KCNV1: variants seen among roughly 807,000 people sequenced by gnomAD.
The protein encoded by KCNV1 is potassium voltage-gated channel subfamily V member 1.
In KCNV1, 2 loss-of-function variants were observed where a neutral mutation model predicts 36.4. The ratio of observed to expected loss-of-function variants is 0.05; its 90% CI spans 0.02 to 0.17. KCNV1 has a LOEUF of 0.17. KCNV1 is among the 10% of genes least tolerant of loss of function. KCNV1 has a pLI of 1.00. For missense variants in KCNV1, 321 were observed against 643.6 expected, an observed-to-expected ratio of 0.50 and a Z score of 5.42; for synonymous variants, 280 against 261.1, an observed-to-expected ratio of 1.07 and a Z score of -0.70.
chr8:109,968,706 A>G lies in KCNV1; in HGVS notation c.992-107T>C. ...CTGCCACCCACAAACTGCACTGCAC[A>G]CTTAAATGTCCCCAGCACTGGGCAA... On this transcript the variant is annotated intron_variant, in intron 3 of 3. Transcript: ENST00000524391. This position sits in a 1 kb window ranked among gnomAD's most constrained non-coding sequence, Gnocchi z 5.3. 3 of 1,090,214 alleles carry G rather than the reference A, an allele frequency of 2.8e-6. No individual in the cohort carries two copies. The highest frequency in any genetic ancestry group is 3.9e-6 in the Non-Finnish European group (3 of 766,282). The allele number at this position is 1,090,214 out of a possible 1,614,324, so 67.5% of individuals were successfully genotyped here. A position where few individuals can be genotyped will look rare whatever the true frequency, so the allele number is the denominator to read the frequency against.
rs983442338 is a variant in KCNV1, at chr8:109,968,180, C to T, written c.1411G>A (p.Val471Ile). The T allele has an allele frequency of 4.3e-6, 7 of 1,614,182 alleles. No individual in the cohort carries two copies. Among genetic ancestry groups the T allele is most frequent in the Non-Finnish European group, 5.1e-6 (6 of 1,180,030 alleles). The change falls in exon 4 of 4, where the codon GTC becomes ATC. Residue 471 changes from valine to isoleucine, a missense_variant. Physicochemically the swap from Val to Ile is conservative, Grantham distance 29. Around this residue, in one of 5 missense-constraint regions of KCNV1, gnomAD observed 45 missense variants for 76.8 expected, o/e 0.59. Coordinates refer to ENST00000524391, the MANE Select transcript of KCNV1 (RefSeq NM_014379.4). The surrounding 1 kb of genome is among the most constrained non-coding windows in gnomAD (Gnocchi z 5.3). ...DSYISVNLRDVYARSIMEMLR... is the reference protein window; with the variant it reads ...DSYISVNLRDIYARSIMEMLR... ...ATCTCCATGATACTCCGGGCATAGA[C>T]ATCTCTCAAGTTAACACTGATATAT...
chr8:109,969,160 C>T (rs1380740476), intron 3 of KCNV1, among the ~76,000 whole-genome samples: 1 of 152,126 alleles, frequency 6.6e-6, no homozygotes, highest in Non-Finnish European at 1.5e-5. Flanking sequence ...ACCATAGCAA[C>T]AAAGTGAAGC....
chr8:109,970,459 A>AT (rs1819996448), intron 3 of KCNV1, among the ~76,000 whole-genome samples: 1 of 152,190 alleles, frequency 6.6e-6, no homozygotes, highest in African/African-American at 2.4e-5. Context: ...GGACATGGTA[A>AT]TTGTTATGCC....
In KCNV1 at chr8:109,972,014, T is replaced by C. The variant is rs1233507348; in HGVS notation, c.991+244A>G. The stretch of plus-strand genomic sequence containing the variant: ...TTTCAAATAAACTGAGGTTAGCAAA[T>C]GGTCAAATTGTCTCTCAACATTTCT... On this transcript the variant is annotated intron_variant, in intron 3 of 3. Transcript: ENST00000524391. The surrounding 1 kb of genome is among the most constrained non-coding windows in gnomAD (Gnocchi z 5.2). Among the ~76,000 whole-genome samples, 2 of 152,176 alleles carry C rather than the reference T, an allele frequency of 1.3e-5. No homozygotes were observed. Among genetic ancestry groups the C allele is most frequent in the Non-Finnish European group, 2.9e-5 (2 of 68,032 alleles).
rs1278059949 is a variant in KCNV1 at position 109,965,318 on chromosome 8, CAAT to C, written c.*2767_*2769del. ...TAAAAAATTAAATATTGTTTTATAA[CAAT>C]AATTCTTAGATGTTTAAAAAGTGTT... On this transcript the variant is annotated 3_prime_UTR_variant, in exon 4 of 4. Transcript: ENST00000524391. 1 of 152,054 alleles carries C rather than the reference CAAT, an allele frequency of 6.6e-6. No homozygotes were observed. The highest frequency in any genetic ancestry group is 1.5e-5 in the Non-Finnish European group (1 of 67,996). The allele number at this position is 152,054 out of a possible 1,614,324, so 9.4% of individuals were successfully genotyped here.
rs1014906248 is a variant in KCNV1 at position 109,967,804 on chromosome 8, G to T, written c.*284C>A. On this transcript the variant is annotated 3_prime_UTR_variant, in exon 4 of 4. Transcript: ENST00000524391. ...AATCTTTAACTTTTTTGTATGTATT[G>T]CAATAACATTATTTTATATTTGACA... 20 of 276,710 alleles carry T rather than the reference G, an allele frequency of 7.2e-5. No homozygotes were observed. Among genetic ancestry groups the T allele is most frequent in the Non-Finnish European group, 1.2e-4 (18 of 146,574 alleles). The allele number at this position is 276,710 out of a possible 1,614,324, so 17.1% of individuals were successfully genotyped here.
rs1226873441 is a variant in KCNV1, at chr8:109,964,403, G to A, written c.*3685C>T. 1 of 152,008 alleles carries A rather than the reference G, an allele frequency of 6.6e-6. No individual in the cohort carries two copies. The highest frequency in any genetic ancestry group is 6.6e-5 in the Admixed American group (1 of 15,256). 9.4% of individuals were successfully genotyped at this position (152,008 alleles called of 1,614,324 possible). On this transcript the variant is annotated 3_prime_UTR_variant, in exon 4 of 4. Coordinates refer to ENST00000524391, the MANE Select transcript of KCNV1 (RefSeq NM_014379.4). ...TGGAACGCATATACACTGATACTGG[G>A]AGTGTAAATTAGTTCAGCCATGTGA... is the stretch of plus-strand genomic sequence containing the variant.
chr8:109,968,172 G>A lies in KCNV1; in HGVS notation c.1419C>T (p.Ala473=). 1 of 1,614,070 alleles carries A rather than the reference G, an allele frequency of 6.2e-7. No homozygotes were observed. Among genetic ancestry groups the A allele is most frequent in the Non-Finnish European group, 8.5e-7 (1 of 1,179,994 alleles). The change falls in exon 4 of 4, where the codon GCC becomes GCT. Residue 473 remains alanine (A), a synonymous_variant. Coordinates refer to ENST00000524391, the MANE Select transcript of KCNV1 (RefSeq NM_014379.4). The surrounding 1 kb of genome is among the most constrained non-coding windows in gnomAD (Gnocchi z 5.3). ...YISVNLRDVY[A]RSIMEMLRLK... is the part of the protein sequence containing the mutation. ...GTCGCAGCATCTCCATGATACTCCG[G>A]GCATAGACATCTCTCAAGTTAACAC...
rs1352918666 is a variant in KCNV1 at position 109,964,168 on chromosome 8, A to G, written c.*3920T>C. ...CAAATTTACAAGAAAAAAAAATCCC[A>G]TTAAAAAGTGGGCAAAGGATATGAA... is the stretch of plus-strand genomic sequence containing the variant. On this transcript the variant is annotated 3_prime_UTR_variant, in exon 4 of 4. Coordinates refer to ENST00000524391, the MANE Select transcript of KCNV1 (RefSeq NM_014379.4). The G allele has an allele frequency of 6.6e-6, 1 of 152,172 alleles. No individual in the cohort carries two copies. 9.4% of individuals were successfully genotyped at this position (152,172 alleles called of 1,614,324 possible).
chr8:109,973,875 C>G, intron 2 of KCNV1, 53 bp downstream of exon 2: 1 of 1,355,394 alleles, frequency 7.4e-7, no homozygotes, highest in Non-Finnish European at 9.9e-7. Flanking sequence ...GCCTTCCTCT[C>G]TTTCTCTGCC....
At position 109,974,673 on chromosome 8, in the gene KCNV1, C is replaced by T. The variant is rs1820059273; in HGVS notation, c.-285G>A. The T allele has an allele frequency of 2.0e-6, 1 of 498,040 alleles. No individual in the cohort carries two copies. Among genetic ancestry groups the T allele is most frequent in the South Asian group, 2.7e-5 (1 of 37,582 alleles). 30.9% of individuals were successfully genotyped at this position (498,040 alleles called of 1,614,324 possible). ...AGAGAGGATCAGGTGAGGTCCAAGC[C>T]CGACACAGTCCCTGTGCACACTGCC... On this transcript the variant is annotated 5_prime_UTR_variant, in exon 2 of 4. Transcript: ENST00000524391. The surrounding 1 kb of genome is among the most constrained non-coding windows in gnomAD (Gnocchi z 6.2).
rs569070522 is a variant in KCNV1, at chr8:109,964,232, A to G, written c.*3856T>C. ...AAAGAAAACATACATGCAGCCAACA[A>G]TGATATGAAAAAAAGCCTCAATATC... On this transcript the variant is annotated 3_prime_UTR_variant, in exon 4 of 4. Transcript: ENST00000524391. 1.3e-5 allele frequency: 2 copies of G among 152,184 alleles called. No individual in the cohort carries two copies. Among genetic ancestry groups the G allele is most frequent in the Non-Finnish European group, 2.9e-5 (2 of 68,028 alleles). The allele number at this position is 152,184 out of a possible 1,614,324, so 9.4% of individuals were successfully genotyped here.
At chr8:109,969,381 A>C (rs1819982444) in intron 3 of KCNV1, among the ~76,000 whole-genome samples, 1 of 152,216 alleles carries the variant, frequency 6.6e-6, no homozygotes, top group Non-Finnish European at 1.5e-5. Flanking sequence ...CTGAATACAG[A>C]ATATTCCTCC....
At position 109,966,861 on chromosome 8, in the gene KCNV1, A is replaced by G. The variant is rs528382815; in HGVS notation, c.*1227T>C. 2 of 151,740 alleles carry G rather than the reference A, an allele frequency of 1.3e-5. No individual in the cohort carries two copies. Among genetic ancestry groups the G allele is most frequent in the South Asian group, 4.2e-4 (2 of 4,806 alleles). 9.4% of individuals were successfully genotyped at this position (151,740 alleles called of 1,614,324 possible). A position where few individuals can be genotyped will look rare whatever the true frequency, so the allele number is the denominator to read the frequency against. On this transcript the variant is annotated 3_prime_UTR_variant, in exon 4 of 4. Transcript: ENST00000524391. The stretch of plus-strand genomic sequence containing the variant: ...TGTGTTTTGTAAATGAAGTGATAAG[A>G]TTTTTTTTTCCTCAAGAACCAATTT...
chr8:109,968,059 T>C lies in KCNV1; in HGVS notation c.*29A>G. 5 of 1,586,724 alleles carry C rather than the reference T, an allele frequency of 3.2e-6. No homozygotes were observed. The highest frequency in any genetic ancestry group is 4.3e-6 in the Non-Finnish European group (5 of 1,165,448). On this transcript the variant is annotated 3_prime_UTR_variant, in exon 4 of 4. Coordinates refer to ENST00000524391, the MANE Select transcript of KCNV1 (RefSeq NM_014379.4). This position sits in a 1 kb window ranked among gnomAD's most constrained non-coding sequence, Gnocchi z 5.3. ...CTTTATCATTTTAGTTAATTGTACA[T>C]AGCTTTTGTAAATAAATTGAAAATT...
intron 3 of KCNV1, among the ~76,000 whole-genome samples, chr8:109,971,593 C>T (rs1234251461): frequency 6.6e-6 from 1 of 151,954 alleles, no homozygotes; most frequent in Non-Finnish European, 1.5e-5. Context: ...CTGTGATACA[C>T]AAAAAACTAA....
chr8:109,973,043 T>A (rs915851236), intron 2 of KCNV1, among the ~76,000 whole-genome samples: 21 of 151,238 alleles, frequency 1.4e-4, no homozygotes, highest in Non-Finnish European at 3.1e-4. Context: ...AGCGGAGTGA[T>A]CTCGGCTTAC....
Position 109,972,879 on chromosome 8 carries a change from C to T in KCNV1, c.462-92G>A. 9.9e-7 allele frequency: 1 copy of T among 1,006,664 alleles called. No homozygotes were observed. The highest frequency in any genetic ancestry group is 1.6e-5 in the South Asian group (1 of 60,698). 62.4% of individuals were successfully genotyped at this position (1,006,664 alleles called of 1,614,324 possible). A position where few individuals can be genotyped will look rare whatever the true frequency, so the allele number is the denominator to read the frequency against. ...ACATGGCAGGGAGGTCAGACTTTTT[C>T]ATTCAACAAAATGCAGAAAAATGTC... On this transcript the variant is annotated intron_variant, in intron 2 of 3. Coordinates refer to ENST00000524391, the MANE Select transcript of KCNV1 (RefSeq NM_014379.4). This position sits in a 1 kb window ranked among gnomAD's most constrained non-coding sequence, Gnocchi z 5.2.
At position 109,974,315 on chromosome 8, in the gene KCNV1, A is replaced by G; in HGVS notation, c.74T>C (p.Val25Ala). 1 of 1,543,854 alleles carries G rather than the reference A, an allele frequency of 6.5e-7. No individual in the cohort carries two copies. Among genetic ancestry groups the G allele is most frequent in the Non-Finnish European group, 8.7e-7 (1 of 1,149,226 alleles). Residue 25 changes from valine to alanine, a missense_variant, in exon 2 of 4, where the codon GTC (valine) becomes GCC (alanine). Coordinates refer to ENST00000524391, the MANE Select transcript of KCNV1 (RefSeq NM_014379.4). The surrounding 1 kb of genome is among the most constrained non-coding windows in gnomAD (Gnocchi z 6.2). ...SGSLTSLDSS[V>A]FCSEGEGEPL... is the part of the protein sequence containing the mutation. Reference sequence around the variant, plus strand: ...CTCCCCTTCACCCTCGCTGCAGAAGACACTAGAGTCCAGGGAGGTCAGGGA... The same window carrying G: ...CTCCCCTTCACCCTCGCTGCAGAAGGCACTAGAGTCCAGGGAGGTCAGGGA...
Sources: allele counts gnomAD v4.1 joint callset (sites outside exome capture counted in the v4.1 genomes callset), GRCh38; gene constraint gnomAD v4.1.1; regional missense constraint gnomAD v4.1.1; non-coding constraint Gnocchi (gnomAD v3.1); transcripts MANE v1.5; gene names NCBI Gene and HGNC (gene_info 2026-07-23, HGNC 2026-07-21).